Variants in ST18 observed in about 807,000 individuals in gnomAD.
The protein encoded by ST18 is ST18 C2H2C-type zinc finger transcription factor.
In ST18, 50 loss-of-function variants were observed where a neutral mutation model predicts 110.0. The ratio of observed to expected loss-of-function variants is 0.45; its 90% CI spans 0.36 to 0.58. The LOEUF is 0.58. Among genes scored for constraint, ST18 ranks in the 20% least tolerant of loss-of-function variants. The pLI is 0.00. For synonymous variants in ST18, 461 were observed against 452.4 expected (o/e 1.02, Z -0.24); for missense variants, 1,306 against 1,280.1 (o/e 1.02, Z -0.31).
At chr8:52,352,185 A>C (rs548100364) in intron 2 of ST18, among the ~76,000 whole-genome samples, 43 of 152,270 alleles carry the variant, frequency 2.8e-4, no homozygotes, top group Admixed American at 2.7e-3. Context: ...ACAGTTTGCC[A>C]CGTCTGCTAA....
intron 2 of ST18, among the ~76,000 whole-genome samples, chr8:52,388,783 G>A (rs1248540255): frequency 2.1e-5 from 3 of 141,578 alleles, no homozygotes; most frequent in Non-Finnish European, 4.6e-5. Flanking sequence ...CATGGACACA[G>A]GAAGGGGAAC....
At chr8:52,350,622 C>T (rs1431052885) in intron 2 of ST18, among the ~76,000 whole-genome samples, 1 of 152,122 alleles carries the variant, frequency 6.6e-6, no homozygotes, top group South Asian at 2.1e-4. Flanking sequence ...CCTGTATGTT[C>T]CCAGACAGGA....
intron 2 of ST18, among the ~76,000 whole-genome samples, chr8:52,292,885 C>T (rs539488141): frequency 7.7e-4 from 117 of 152,282 alleles, no homozygotes; most frequent in South Asian, 1.5e-3. Flanking sequence ...AGAAGGGAAA[C>T]CTCAGATATG....
At chr8:52,214,333 CT>C (rs1474074330) in intron 6 of ST18, 76 bp from the exon 7 acceptor site, 1 of 1,503,922 alleles carries the variant, frequency 6.6e-7, no homozygotes, top group African/African-American at 1.4e-5. Flanking sequence ...ATTAGAAGTT[CT>C]GAAGGTCATT....
At chr8:52,141,854 C>T (rs981998361) in intron 17 of ST18, among the ~76,000 whole-genome samples, 1 of 152,112 alleles carries the variant, frequency 6.6e-6, no homozygotes, top group Non-Finnish European at 1.5e-5. Context: ...GAGGTCACAG[C>T]GGGGTGGCAG....
intron 2 of ST18, among the ~76,000 whole-genome samples, chr8:52,264,057 C>T (rs752261986): frequency 1.3e-5 from 2 of 152,134 alleles, no homozygotes; most frequent in Non-Finnish European, 2.9e-5. Context: ...CCTTGGCCTC[C>T]CAAAGTTCTG....
intron 2 of ST18, among the ~76,000 whole-genome samples, chr8:52,284,277 T>G (rs1299463195): frequency 6.6e-6 from 1 of 152,066 alleles, no homozygotes; most frequent in Non-Finnish European, 1.5e-5. Flanking sequence ...AGGGATTTCT[T>G]AAAGTGAGGT....
rs149597190 is a variant in ST18 at position 52,337,975 on chromosome 8, G to C, written c.-465+71353C>G. ...TGACAATATCTACCAGTTTAAGAATGTCAGGATGAATTAGATGGCATCTTT... is the reference window on the plus strand; with the variant it reads ...TGACAATATCTACCAGTTTAAGAATCTCAGGATGAATTAGATGGCATCTTT... On this transcript the variant is annotated intron_variant, in intron 2 of 25. Transcript: ENST00000689386. 3.0e-3 allele frequency among the ~76,000 whole-genome samples: 460 copies of C among 152,316 alleles called. 1 individual carries two copies. The highest frequency in any genetic ancestry group is 0.011 in the African/African-American group (440 of 41,570).
intron 15 of ST18, among the ~76,000 whole-genome samples, chr8:52,156,503 C>G (rs1333934551): frequency 6.6e-6 from 1 of 152,184 alleles, no homozygotes; most frequent in Non-Finnish European, 1.5e-5. Flanking sequence ...TGAAGTCTGT[C>G]TCTGCTTAAT....
chr8:52,124,439 G>T (rs528143306), intron 23 of ST18, among the ~76,000 whole-genome samples: 5 of 152,206 alleles, frequency 3.3e-5, no homozygotes, highest in African/African-American at 1.2e-4. Flanking sequence ...CTCCCAAAGT[G>T]CTGGGATTAC....
chr8:52,142,375 C>T lies in ST18; in HGVS notation c.2168+555G>A, dbSNP rs189446650. On this transcript the variant is annotated intron_variant, in intron 17 of 25. Transcript: ENST00000689386. ...CTGATTCCTAAGTGGACGCGTTACT[C>T]CTTGCTGTAAACTCTCATTAACTGG... 2.9e-3 allele frequency among the ~76,000 whole-genome samples: 446 copies of T among 152,152 alleles called. 9 individuals carry two copies. The highest frequency in any genetic ancestry group is 4.4e-4 in the Non-Finnish European group (30 of 68,004).
chr8:52,308,091 C>G (rs1048195344), intron 2 of ST18, among the ~76,000 whole-genome samples: 5 of 152,154 alleles, frequency 3.3e-5, no homozygotes, highest in African/African-American at 1.2e-4. Context: ...GGGAGCTCTG[C>G]CAGGAAGACC....
At chr8:52,300,976 C>G (rs1463937800) in intron 2 of ST18, among the ~76,000 whole-genome samples, 1 of 152,172 alleles carries the variant, frequency 6.6e-6, no homozygotes. Context: ...AGATTTTAAA[C>G]ATTACAACTT....
At chr8:52,401,313 G>C (rs1172168263) in intron 2 of ST18, among the ~76,000 whole-genome samples, 2 of 151,932 alleles carry the variant, frequency 1.3e-5, no homozygotes, top group African/African-American at 4.8e-5. Context: ...GGCCCTCTTT[G>C]GGTTGAACCT....
At chr8:52,281,117 C>T (rs2095368258) in intron 2 of ST18, among the ~76,000 whole-genome samples, 1 of 151,958 alleles carries the variant, frequency 6.6e-6, no homozygotes, top group African/African-American at 2.4e-5. Context: ...AACACTCTTA[C>T]AGAAAAATAA....
At chr8:52,211,954 A>G in intron 8 of ST18, 125 bp downstream of exon 8, 1 of 946,164 alleles carries the variant, frequency 1.1e-6, no homozygotes, top group East Asian at 2.4e-5. Flanking sequence ...CAACGTCTGG[A>G]TGGAAAAAGC....
At chr8:52,149,632 A>G (rs1183801601) in intron 16 of ST18, 100 bp downstream of exon 16, 10 of 1,451,208 alleles carry the variant, frequency 6.9e-6, no homozygotes, top group Non-Finnish European at 8.3e-6. Context: ...ATTATGTATT[A>G]TCTAAACAGG....
chr8:52,325,136 GGA>G (rs1272733892), intron 2 of ST18, among the ~76,000 whole-genome samples: 1 of 152,142 alleles, frequency 6.6e-6, no homozygotes, highest in Non-Finnish European at 1.5e-5. Context: ...AAAGAAACAG[GGA>G]GAGAGGGAGG....
intron 8 of ST18, among the ~76,000 whole-genome samples, chr8:52,203,106 C>CA (rs36063711): frequency 6.6e-6 from 1 of 151,776 alleles, no homozygotes; most frequent in African/African-American, 2.4e-5. Flanking sequence ...TCCTTGTCTT[C>CA]AAAAAGTAGG....
Sources: allele counts gnomAD v4.1 joint callset (sites outside exome capture counted in the v4.1 genomes callset), GRCh38; gene constraint gnomAD v4.1.1; transcripts MANE v1.5; gene names NCBI Gene and HGNC (gene_info 2026-07-23, HGNC 2026-07-21).